FHIP1A: variants seen among roughly 807,000 people sequenced by gnomAD.
The protein encoded by FHIP1A is FHF complex subunit HOOK interacting protein 1A.
Under a neutral mutation model 88.6 loss-of-function variants are expected in FHIP1A, and 61 were observed. The observed-to-expected ratio is 0.69, with a 90% CI of 0.56 to 0.85. The LOEUF is 0.85. FHIP1A is among the 40% of genes least tolerant of loss of function. FHIP1A has a pLI of 0.00. For synonymous variants in FHIP1A, 478 were observed against 496.0 expected, an observed-to-expected ratio of 0.96 and a Z score of 0.48; for missense variants, 1,154 against 1,273.5, an observed-to-expected ratio of 0.91 and a Z score of 1.43.
intron 8 of FHIP1A, among the ~76,000 whole-genome samples, chr4:151,637,029 A>G (rs946592253): frequency 5.9e-5 from 9 of 152,176 alleles, no homozygotes; most frequent in African/African-American, 1.9e-4. Context: ...ATGGTCAATT[A>G]ATTTTCAACA....
chr4:151,472,811 GC>G (rs1266373261), intron 2 of FHIP1A, among the ~76,000 whole-genome samples: 3 of 152,098 alleles, frequency 2.0e-5, no homozygotes, highest in Non-Finnish European at 4.4e-5. Flanking sequence ...TATAAAACAT[GC>G]AGCACATTTA....
chr4:151,646,070 C>T (rs1037608053), intron 9 of FHIP1A, among the ~76,000 whole-genome samples: 1 of 152,110 alleles, frequency 6.6e-6, no homozygotes, highest in Non-Finnish European at 1.5e-5. Context: ...TGAAGCAGCT[C>T]CTTGCTGTGG....
In FHIP1A at chr4:151,524,006, C is replaced by G. The variant is rs145257878; in HGVS notation, c.-123+41358C>G. 9.6e-3 allele frequency among the ~76,000 whole-genome samples: 1,457 copies of G among 152,224 alleles called. 8 individuals carry two copies. Among genetic ancestry groups the G allele is most frequent in the Admixed American group, 0.014 (219 of 15,284 alleles). On this transcript the variant is annotated intron_variant, in intron 3 of 13. Coordinates refer to ENST00000435205, the MANE Select transcript of FHIP1A (RefSeq NM_001109977.3). ...CTCAGTTGATGTGACATATTTTGTT[C>G]TGTTTTTTAAAAATGTTATTATTGG... is the stretch of plus-strand genomic sequence containing the variant.
intron 4 of FHIP1A, among the ~76,000 whole-genome samples, chr4:151,570,846 T>C (rs1733574678): frequency 6.6e-6 from 1 of 152,194 alleles, no homozygotes; most frequent in African/African-American, 2.4e-5. Context: ...TTTTAAAACA[T>C]TGTATAATTT....
intron 1 of FHIP1A, among the ~76,000 whole-genome samples, chr4:151,437,391 C>T (rs28513809): frequency 0.11 from 16,070 of 152,006 alleles, 1,531 homozygotes; most frequent in South Asian, 0.27. Flanking sequence ...GGCTATTTTC[C>T]TCTGTATCAT....
At chr4:151,435,099 T>C (rs568131831) in intron 1 of FHIP1A, among the ~76,000 whole-genome samples, 72 of 152,318 alleles carry the variant, frequency 4.7e-4, no homozygotes, top group African/African-American at 1.7e-3. Context: ...ATTTATCTTT[T>C]CTTTATGTTG....
chr4:151,478,128 G>A (rs1729770949), intron 2 of FHIP1A, among the ~76,000 whole-genome samples: 1 of 152,092 alleles, frequency 6.6e-6, no homozygotes, highest in Non-Finnish European at 1.5e-5. Flanking sequence ...ATGGGATACT[G>A]AATCAATACA....
intron 5 of FHIP1A, among the ~76,000 whole-genome samples, chr4:151,584,631 C>A (rs1199323705): frequency 6.6e-5 from 10 of 152,068 alleles, no homozygotes; most frequent in African/African-American, 2.4e-4. Flanking sequence ...GCATCAGCCC[C>A]ACGTATCTGA....
intron 11 of FHIP1A, among the ~76,000 whole-genome samples, chr4:151,651,621 C>T (rs1242726721): frequency 3.3e-5 from 5 of 152,216 alleles, no homozygotes; most frequent in African/African-American, 1.2e-4. Flanking sequence ...CATTTTATGA[C>T]ACGTAGCACC....
At chr4:151,441,141 A>T (rs2126560054) in intron 1 of FHIP1A, among the ~76,000 whole-genome samples, 1 of 152,256 alleles carries the variant, frequency 6.6e-6, no homozygotes, top group South Asian at 2.1e-4. Context: ...CACTTATGAT[A>T]ACCTTTTGAG....
chr4:151,502,323 C>A (rs1580640251), intron 3 of FHIP1A, among the ~76,000 whole-genome samples: 1 of 23,164 alleles, frequency 4.3e-5, no homozygotes, highest in South Asian at 6.1e-4. Context: ...TCTCAAAAAA[C>A]AAACAAACAA....
chr4:151,654,010 G>A (rs1461990390), intron 11 of FHIP1A, among the ~76,000 whole-genome samples: 1 of 151,574 alleles, frequency 6.6e-6, no homozygotes, highest in African/African-American at 2.4e-5. Flanking sequence ...TTCCTGAATT[G>A]TGCTGAGCCT....
intron 2 of FHIP1A, among the ~76,000 whole-genome samples, chr4:151,468,933 G>T (rs1729420428): frequency 6.6e-6 from 1 of 152,114 alleles, no homozygotes; most frequent in Non-Finnish European, 1.5e-5. Flanking sequence ...GATTCACTAG[G>T]CAGTTATTCA....
At chr4:151,412,861 T>G (rs906098289) in intron 1 of FHIP1A, among the ~76,000 whole-genome samples, 3 of 151,468 alleles carry the variant, frequency 2.0e-5, no homozygotes, top group African/African-American at 7.3e-5. Context: ...ATTTTGTATT[T>G]TAAGTAGAGA....
intron 7 of FHIP1A, among the ~76,000 whole-genome samples, chr4:151,613,669 C>A (rs2126851349): frequency 6.6e-6 from 1 of 152,306 alleles, no homozygotes; most frequent in Admixed American, 6.5e-5. Flanking sequence ...ACTTGATGGT[C>A]ATAATGACCA....
chr4:151,528,202 G>A (rs979813263), intron 3 of FHIP1A, among the ~76,000 whole-genome samples: 4 of 152,124 alleles, frequency 2.6e-5, no homozygotes, highest in African/African-American at 7.2e-5. Flanking sequence ...GTGGTCTGAC[G>A]AAAAATAAAT....
At chr4:151,606,322 C>T (rs541942363) in intron 7 of FHIP1A, among the ~76,000 whole-genome samples, 26 of 152,284 alleles carry the variant, frequency 1.7e-4, no homozygotes, top group African/African-American at 5.5e-4. Context: ...TGAGGAAAAA[C>T]GTCTTGAAGT....
At chr4:151,618,411 G>C (rs1312330119) in intron 7 of FHIP1A, among the ~76,000 whole-genome samples, 1 of 152,164 alleles carries the variant, frequency 6.6e-6, no homozygotes, top group Non-Finnish European at 1.5e-5. Flanking sequence ...GAAATGTTCA[G>C]AGTCTGTGAG....
At chr4:151,640,310 G>T (rs1201254538) in intron 9 of FHIP1A, among the ~76,000 whole-genome samples, 1 of 152,176 alleles carries the variant, frequency 6.6e-6, no homozygotes, top group African/African-American at 2.4e-5. Flanking sequence ...TGTCAGGAGA[G>T]TATCACCTAT....
Sources: allele counts gnomAD v4.1 joint callset (sites outside exome capture counted in the v4.1 genomes callset), GRCh38; gene constraint gnomAD v4.1.1; transcripts MANE v1.5; gene names NCBI Gene and HGNC (gene_info 2026-07-23, HGNC 2026-07-21).